Variants in MAF observed in about 807,000 individuals in gnomAD.
MAF encodes MAF bZIP transcription factor.
A neutral mutation model predicts 22.0 loss-of-function variants in MAF; 10 were observed. The ratio of observed to expected loss-of-function variants is 0.45; its 90% CI spans 0.28 to 0.77. The LOEUF (loss-of-function observed/expected upper bound fraction) is 0.77, where lower values mean the gene tolerates loss of function less well. Among genes scored for constraint, MAF ranks in the 30% least tolerant of loss-of-function variants. MAF has a pLI of 0.12. For missense variants in MAF, 544 were observed against 548.4 expected, an observed-to-expected ratio of 0.99 and a Z score of 0.08; for synonymous variants, 337 against 255.8, an observed-to-expected ratio of 1.32 and a Z score of -3.03.
chr16:79,209,401 T>C, the MAF span, among the ~76,000 whole-genome samples: 1 of 152,228 alleles, frequency 6.6e-6, no homozygotes, highest in Non-Finnish European at 1.5e-5. Context: ...AGAATTCTGC[T>C]TTTTGCTTTC....
At chr16:79,233,438 G>T in the MAF span, among the ~76,000 whole-genome samples, 1 of 152,006 alleles carries the variant, frequency 6.6e-6, no homozygotes, top group African/African-American at 2.4e-5. Flanking sequence ...AGGTTCCATT[G>T]TGGAGATTCA....
the MAF span, among the ~76,000 whole-genome samples, chr16:79,549,045 G>A: frequency 6.6e-6 from 1 of 152,088 alleles, no homozygotes; most frequent in African/African-American, 2.4e-5. Context: ...TTCCAGCCTG[G>A]TTTCTTCATC....
At chr16:79,492,677 C>T in the MAF span, among the ~76,000 whole-genome samples, 1 of 152,046 alleles carries the variant, frequency 6.6e-6, no homozygotes, top group African/African-American at 2.4e-5. Flanking sequence ...ACTCACACAA[C>T]TGCCGTTCAG....
At chr16:79,543,637 G>A in the MAF span, among the ~76,000 whole-genome samples, 17,228 of 150,080 alleles carry the variant, frequency 0.11, 1,079 homozygotes, top group South Asian at 0.17. Context: ...TCAATGCGAT[G>A]TTTACAGCTG....
the MAF span, among the ~76,000 whole-genome samples, chr16:79,430,094 A>G: frequency 6.6e-6 from 1 of 152,050 alleles, no homozygotes; most frequent in Non-Finnish European, 1.5e-5. Context: ...GGAAGCCAAA[A>G]ACTGGAGCTT....
the MAF span, among the ~76,000 whole-genome samples, chr16:79,373,753 G>T: frequency 7.9e-5 from 12 of 152,068 alleles, no homozygotes; most frequent in Non-Finnish European, 1.5e-4. Context: ...GCCCTGAGCT[G>T]CCCCAGACTC....
chr16:79,483,472 G>C, the MAF span, among the ~76,000 whole-genome samples: 1 of 151,076 alleles, frequency 6.6e-6, no homozygotes, highest in Non-Finnish European at 1.5e-5. Flanking sequence ...GCATGGAGTG[G>C]ACAGGCCCGG....
the MAF span, among the ~76,000 whole-genome samples, chr16:79,508,655 T>G: frequency 6.6e-6 from 1 of 152,184 alleles, no homozygotes; most frequent in Non-Finnish European, 1.5e-5. Context: ...CTATACTGAC[T>G]TAAAGTAAAT....
At chr16:79,228,283 T>C in the MAF span, among the ~76,000 whole-genome samples, 1 of 152,048 alleles carries the variant, frequency 6.6e-6, no homozygotes, top group Admixed American at 6.6e-5. Context: ...AAATATGCCA[T>C]CTACAAGGAA....
At chr16:79,439,735 C>G in the MAF span, among the ~76,000 whole-genome samples, 1 of 152,110 alleles carries the variant, frequency 6.6e-6, no homozygotes, top group Non-Finnish European at 1.5e-5. Flanking sequence ...AGAGTGAGGA[C>G]AGAAGATGAC....
At chr16:79,350,059 T>C in the MAF span, among the ~76,000 whole-genome samples, 1 of 152,226 alleles carries the variant, frequency 6.6e-6, no homozygotes, top group Non-Finnish European at 1.5e-5. Flanking sequence ...TCACATTATG[T>C]ATGTACATCT....
chr16:79,597,895 G>T, intron 1 of MAF: 1 of 1,035,976 alleles, frequency 9.7e-7, no homozygotes, highest in Non-Finnish European at 1.2e-6. Context: ...GCATAATAAT[G>T]CATGAGATGA....
At chr16:79,272,754 A>T in the MAF span, among the ~76,000 whole-genome samples, 471 of 151,884 alleles carry the variant, frequency 3.1e-3, 2 homozygotes, top group Middle Eastern at 6.8e-3. Flanking sequence ...TCTCAACACA[A>T]CTTCTCCTCA....
chr16:79,479,929 C>G, the MAF span, among the ~76,000 whole-genome samples: 1 of 152,110 alleles, frequency 6.6e-6, no homozygotes, highest in Admixed American at 6.6e-5. Context: ...GTCCACAGTC[C>G]TACACTACTT....
the MAF span, among the ~76,000 whole-genome samples, chr16:79,422,820 T>C: frequency 6.6e-6 from 1 of 152,176 alleles, no homozygotes; most frequent in Non-Finnish European, 1.5e-5. Flanking sequence ...CAATTACTTT[T>C]GCACTAATCT....
chr16:79,289,867 T>TTTTTTTC, the MAF span, among the ~76,000 whole-genome samples: 25 of 118,536 alleles, frequency 2.1e-4, 1 homozygote, highest in African/African-American at 4.5e-4. Context: ...TTTTTTTTTT[T>TTTTTTTC]TGTGAGACGG....
the MAF span, among the ~76,000 whole-genome samples, chr16:79,411,381 G>A: frequency 2.6e-5 from 4 of 152,164 alleles, no homozygotes; most frequent in Non-Finnish European, 5.9e-5. Flanking sequence ...GAACACTTGA[G>A]TTATCTGCCC....
At chr16:79,596,324 C>A in intron 1 of MAF, 1 of 1,059,530 alleles carries the variant, frequency 9.4e-7, no homozygotes, top group Non-Finnish European at 1.1e-6. Flanking sequence ...ATGGGGCCAG[C>A]CTCCTCACTT....
At chr16:79,410,407 G>T in the MAF span, among the ~76,000 whole-genome samples, 8 of 152,224 alleles carry the variant, frequency 5.3e-5, no homozygotes, top group Admixed American at 5.2e-4. Context: ...ATTGAACTGA[G>T]CAACTGCGAA....
Sources: gnomAD v4.1 joint callset for allele counts (sites outside exome capture counted in the v4.1 genomes callset) on GRCh38, gnomAD v4.1.1 for gene constraint, MANE v1.5 for transcripts, NCBI Gene and HGNC (gene_info 2026-07-23, HGNC 2026-07-21) for gene names.